Variants in BRDT observed in about 807,000 individuals in gnomAD.
BRDT encodes the protein bromodomain testis associated.
In BRDT, 77 loss-of-function variants were observed where a neutral mutation model predicts 113.9. The observed-to-expected ratio is 0.68, with a 90% CI of 0.56 to 0.82. The LOEUF (loss-of-function observed/expected upper bound fraction) is 0.82. Ranked by LOEUF, BRDT falls within the 40% of genes least tolerant of loss-of-function variation. The probability of loss-of-function intolerance (pLI) is 0.00; values close to 1 mark genes in which losing one functional copy is unlikely to be tolerated. For missense variants in BRDT, 1,027 were observed against 1,105.4 expected (o/e 0.93, Z 1.01); for synonymous variants, 358 against 366.5 (o/e 0.98, Z 0.26).
At position 91,981,174 on chromosome 1, in the gene BRDT, T is replaced by A. The variant is rs199871085; in HGVS notation, c.1746T>A (p.Pro582=). Residue 582 remains proline, a synonymous_variant, in exon 10 of 19, where the codon CCT becomes CCA. Transcript: ENST00000399546. ...SACLRKRPLK[P]PAKKIMMSKE... ...GTCTAAGAAAGAGACCATTAAAACC[T>A]CCTGGTATGTATTTCTGCATATTAA... is the stretch of plus-strand genomic sequence containing the variant. The A allele has an allele frequency of 5.6e-5, 90 of 1,608,504 alleles. No individual in the cohort carries two copies. In the East Asian group the frequency reaches 1.9e-3, roughly 35 times the overall value.
chr1:91,981,694 A>T lies in BRDT; in HGVS notation c.1941A>T (p.Ser647=). 2 of 1,614,160 alleles carry T rather than the reference A, an allele frequency of 1.2e-6. No individual in the cohort carries two copies. Among genetic ancestry groups the T allele is most frequent in the South Asian group, 2.2e-5 (2 of 91,088 alleles). The change falls in exon 12 of 19, where the codon TCA becomes TCT. Residue 647 remains serine (S), a synonymous_variant. Coordinates refer to ENST00000399546, the MANE Select transcript of BRDT (RefSeq NM_207189.4). ...LSESSSSSSS[S]SESESSSSDL... Reference sequence around the variant, plus strand: ...AGAGCAGCAGCAGCAGCAGCAGCTCATCAGAGTCTGAAAGTAGCAGCAGTG... The same window carrying T: ...AGAGCAGCAGCAGCAGCAGCAGCTCTTCAGAGTCTGAAAGTAGCAGCAGTG...
At chr1:91,994,296 C>G in intron 15 of BRDT, 42 bp downstream of exon 15, 3 of 1,453,594 alleles carry the variant, frequency 2.1e-6, no homozygotes, top group Non-Finnish European at 2.8e-6. Context: ...GAGAAATTGA[C>G]TTCTAAACCT....
intron 18 of BRDT, 75 bp downstream of exon 18, chr1:92,005,374 A>G: frequency 7.5e-7 from 1 of 1,326,234 alleles, no homozygotes; most frequent in Non-Finnish European, 9.9e-7. Flanking sequence ...TTGTATGTTC[A>G]AGGATGCATT....
Position 92,005,273 on chromosome 1 carries a change from G to T in BRDT, c.2749G>T (p.Glu917Ter). 1 of 1,567,050 alleles carries T rather than the reference G, an allele frequency of 6.4e-7. No homozygotes were observed. ...AGACCGTGATTTAGCAAGGCAGAAA[G>T]AACAAGAGAGGAGGAGGAGAGAAGC... The part of the protein sequence containing the change: ...LKDRDLARQK[E>*]QERRRREAMV... The change falls in exon 18 of 19, where the codon GAA (glutamate) becomes TAA (stop). Residue 917 changes from glutamate (E) to a stop codon, truncating the protein, a stop_gained. Coordinates refer to ENST00000399546, the MANE Select transcript of BRDT (RefSeq NM_207189.4). LOFTEE classifies it high-confidence loss of function.
chr1:91,994,047 T>TA (rs1257257174), intron 14 of BRDT, 36 bp from the exon 15 acceptor site: 1 of 1,550,646 alleles, frequency 6.4e-7, no homozygotes, highest in Non-Finnish European at 8.7e-7. Context: ...CTTGTATGGT[T>TA]AAAACTAAGT....
At chr1:91,992,215 G>T in intron 13 of BRDT, 49 bp from the exon 14 acceptor site, 1 of 1,001,280 alleles carries the variant, frequency 1.0e-6, no homozygotes, top group South Asian at 2.0e-5. Context: ...ATAATCACAT[G>T]GTTAAGAGAT....
chr1:92,006,872 C>T (rs1382743949), intron 18 of BRDT, among the ~76,000 whole-genome samples: 1 of 152,096 alleles, frequency 6.6e-6, no homozygotes, highest in African/African-American at 2.4e-5. Flanking sequence ...ACTGCGACCT[C>T]TGCCTCCTGG....
chr1:92,014,093 AAT>A (rs1369498357), intron 18 of BRDT, 111 bp from the exon 19 acceptor site: 1 of 653,832 alleles, frequency 1.5e-6, no homozygotes, highest in African/African-American at 1.9e-5. Flanking sequence ...AAAATTATTG[AAT>A]AGTTTTCTTT....
At chr1:91,964,910 A>ATTT (rs1302641462) in intron 3 of BRDT, 146 bp downstream of exon 3, 29 of 234,790 alleles carry the variant, frequency 1.2e-4, no homozygotes, top group Middle Eastern at 1.7e-3. Context: ...TGTGTATATA[A>ATTT]TTTTTTTTTT....
At chr1:91,962,664 C>T in intron 1 of BRDT, 54 bp from the exon 2 acceptor site, 2 of 1,093,318 alleles carry the variant, frequency 1.8e-6, no homozygotes, top group Non-Finnish European at 2.6e-6. Flanking sequence ...CTTTTCAGCT[C>T]CTGTGGAAAC....
chr1:92,000,162 G>C (rs1205721679), intron 15 of BRDT, among the ~76,000 whole-genome samples: 1 of 152,240 alleles, frequency 6.6e-6, no homozygotes, highest in Non-Finnish European at 1.5e-5. Flanking sequence ...GCAGGCCTGA[G>C]CCAGTGCACC....
At chr1:91,962,410 T>C (rs1013028977) in intron 1 of BRDT, among the ~76,000 whole-genome samples, 1 of 152,078 alleles carries the variant, frequency 6.6e-6, no homozygotes, top group African/African-American at 2.4e-5. Context: ...CTTGGCTCAC[T>C]GTAACCTCTG....
chr1:91,991,115 T>C (rs962745430), intron 12 of BRDT, 69 bp from the exon 13 acceptor site: 18 of 1,056,436 alleles, frequency 1.7e-5, no homozygotes, highest in Non-Finnish European at 2.3e-5. Flanking sequence ...GTTTCTAATA[T>C]GGAAAAATTA....
chr1:91,968,795 A>G (rs4658119), intron 4 of BRDT, among the ~76,000 whole-genome samples: 119,847 of 152,140 alleles, frequency 0.79, 47,891 homozygotes, highest in Non-Finnish European at 0.85. Flanking sequence ...TAGATGTATT[A>G]TAGAGGTTAA....
intron 1 of BRDT, among the ~76,000 whole-genome samples, chr1:91,959,576 G>A (rs1434732924): frequency 6.6e-6 from 1 of 151,982 alleles, no homozygotes; most frequent in African/African-American, 2.4e-5. Context: ...TACCTCCCGG[G>A]TTCAAGTGGT....
chr1:91,958,258 T>C (rs1682023713), intron 1 of BRDT, among the ~76,000 whole-genome samples: 1 of 138,420 alleles, frequency 7.2e-6, no homozygotes, highest in Non-Finnish European at 1.5e-5. Context: ...CTCTGTCACC[T>C]AGGCTGGAGT....
intron 8 of BRDT, among the ~76,000 whole-genome samples, chr1:91,980,291 T>C (rs1684591606): frequency 6.7e-6 from 1 of 149,186 alleles, no homozygotes; most frequent in South Asian, 2.2e-4. Flanking sequence ...GCTTAGGAGG[T>C]TGAGGCTGCA....
intron 14 of BRDT, among the ~76,000 whole-genome samples, chr1:91,992,547 T>C (rs1442791620): frequency 6.6e-6 from 1 of 152,126 alleles, no homozygotes; most frequent in Non-Finnish European, 1.5e-5. Context: ...ATTTTGTTGT[T>C]GTTGTTGAGA....
intron 2 of BRDT, among the ~76,000 whole-genome samples, chr1:91,963,468 C>G (rs6604070): frequency 0.095 from 14,488 of 152,088 alleles, 1,060 homozygotes; most frequent in East Asian, 0.4. Context: ...TACATGTTTT[C>G]TTATTATAGT....
Sources: gnomAD v4.1 joint callset for allele counts (sites outside exome capture counted in the v4.1 genomes callset) on GRCh38, gnomAD v4.1.1 for gene constraint, MANE v1.5 for transcripts, NCBI Gene and HGNC (gene_info 2026-07-23, HGNC 2026-07-21) for gene names.